DOCK11: variants seen among roughly 807,000 people sequenced by gnomAD.
The protein encoded by DOCK11 is dedicator of cytokinesis protein 11.
Under a neutral mutation model 169.1 loss-of-function variants are expected in DOCK11, and 70 were observed. That is an observed-to-expected ratio of 0.41 (90% CI 0.34 to 0.51). The LOEUF (loss-of-function observed/expected upper bound fraction) is 0.51, where lower values mean the gene tolerates loss of function less well. Ranked by LOEUF, DOCK11 falls within the 20% of genes least tolerant of loss-of-function variation. The pLI is 0.10. For missense variants in DOCK11, 1,166 were observed against 1,538.8 expected, an observed-to-expected ratio of 0.76 and a Z score of 4.05; for synonymous variants, 529 against 541.3, an observed-to-expected ratio of 0.98 and a Z score of 0.32.
intron 6 of DOCK11, among the ~76,000 whole-genome samples, chrX:118,548,690 C>T (rs754494270): frequency 9.0e-6 from 1 of 111,716 alleles, no homozygotes; most frequent in East Asian, 2.8e-4. Context: ...ATGGATTCTC[C>T]CATGCAGCAT....
Position 118,614,676 on chromosome X carries a change from G to A in DOCK11, c.3097-16G>A, listed in dbSNP as rs2147468060. The A allele has an allele frequency of 1.8e-6, 2 of 1,110,973 alleles. No homozygotes were observed. Among genetic ancestry groups the A allele is most frequent in the East Asian group, 6.1e-5 (2 of 32,971 alleles). The allele number at this position is 1,110,973 out of a possible 1,213,427, so 91.6% of individuals were successfully genotyped here. ...AATTATGTAATTAACCCTTAGTTTT[G>A]TTTTGGTTTCTATAGCGCTGTTTGA... is the stretch of plus-strand genomic sequence containing the variant. On this transcript the variant is annotated splice_polypyrimidine_tract_variant and intron_variant, in intron 28 of 52. Transcript: ENST00000276202.
intron 38 of DOCK11, 136 bp from the exon 39 acceptor site, chrX:118,641,054 G>A: frequency 2.1e-6 from 1 of 486,360 alleles, no homozygotes; most frequent in Non-Finnish European, 3.7e-6. Flanking sequence ...CTCCCAAAGT[G>A]CTGGGATTAC....
chrX:118,555,071 A>G (rs771973905), intron 6 of DOCK11, among the ~76,000 whole-genome samples: 1 of 111,961 alleles, frequency 8.9e-6, no homozygotes, highest in South Asian at 3.7e-4. Flanking sequence ...TTGAGCAGTG[A>G]CATGCTGTGC....
At chrX:118,685,042 T>G (rs897945236) in intron 52 of DOCK11, among the ~76,000 whole-genome samples, 3 of 111,800 alleles carry the variant, frequency 2.7e-5, no homozygotes, top group African/African-American at 9.7e-5. Context: ...TTTCTGTTGC[T>G]TTTTCTTTAG....
chrX:118,504,668 C>G (rs1340290199), intron 1 of DOCK11, among the ~76,000 whole-genome samples: 1 of 112,388 alleles, frequency 8.9e-6, no homozygotes, highest in East Asian at 2.8e-4. Context: ...GAATACGTTT[C>G]TCTTTGAGAT....
At chrX:118,600,590 A>G (rs2014307004) in intron 23 of DOCK11, among the ~76,000 whole-genome samples, 1 of 111,131 alleles carries the variant, frequency 9.0e-6, no homozygotes, top group Non-Finnish European at 1.9e-5. Context: ...GAGACAGACA[A>G]TAAACACATA....
chrX:118,550,699 C>T (rs1174938248), intron 6 of DOCK11, among the ~76,000 whole-genome samples: 1 of 111,016 alleles, frequency 9.0e-6, no homozygotes, highest in Non-Finnish European at 1.9e-5. Flanking sequence ...TGCTCTGTTA[C>T]AGGGTGGGGG....
chrX:118,555,535 C>T (rs367831256), intron 6 of DOCK11, among the ~76,000 whole-genome samples: 1 of 105,561 alleles, frequency 9.5e-6, no homozygotes, highest in Non-Finnish European at 1.9e-5. Flanking sequence ...CCACCCTGGG[C>T]GACAGAGTGA....
intron 28 of DOCK11, among the ~76,000 whole-genome samples, chrX:118,611,230 T>C (rs2014675503): frequency 8.9e-6 from 1 of 112,302 alleles, no homozygotes; most frequent in Non-Finnish European, 1.9e-5. Flanking sequence ...ACACTTGTTA[T>C]TGCCTCTTTT....
intron 6 of DOCK11, among the ~76,000 whole-genome samples, chrX:118,555,414 G>A (rs1033426937): frequency 1.4e-4 from 15 of 110,468 alleles, no homozygotes; most frequent in African/African-American, 4.3e-4. Context: ...AAGCTTAGCC[G>A]GGTATGGTGA....
At position 118,681,263 on chromosome X, in the gene DOCK11, C is replaced by T. The variant is rs1429021056; in HGVS notation, c.5862+15C>T. ...TTTCTGTGCAGGTACGTTGGTCATCCAACATGTATTGAATGTTTCTTGATG... is the reference window on the plus strand; with the variant it reads ...TTTCTGTGCAGGTACGTTGGTCATCTAACATGTATTGAATGTTTCTTGATG... On this transcript the variant is annotated intron_variant, in intron 50 of 52. Coordinates refer to ENST00000276202, the MANE Select transcript of DOCK11 (RefSeq NM_144658.4). 3 of 1,145,419 alleles carry T rather than the reference C, an allele frequency of 2.6e-6. No homozygotes were observed. The highest frequency in any genetic ancestry group is 3.5e-6 in the Non-Finnish European group (3 of 862,920). The allele number at this position is 1,145,419 out of a possible 1,213,427, so 94.4% of individuals were successfully genotyped here. A position where few individuals can be genotyped will look rare whatever the true frequency, so the allele number is the denominator to read the frequency against.
Position 118,513,847 on chromosome X carries a change from C to A in DOCK11, c.102+17774C>A, listed in dbSNP as rs1455371453. Among the ~76,000 whole-genome samples the A allele has an allele frequency of 5.4e-5, 6 of 111,729 alleles. No homozygotes were observed. In the Admixed American group the frequency reaches 5.7e-4, roughly 11 times the overall value. Reference sequence around the variant, plus strand: ...GGCAGAGGCCAGGCACACTTCAGAGCACCTGGAGTGGGCCTTATGGGGGAG... The same window carrying A: ...GGCAGAGGCCAGGCACACTTCAGAGAACCTGGAGTGGGCCTTATGGGGGAG... On this transcript the variant is annotated intron_variant, in intron 1 of 52. Coordinates refer to ENST00000276202, the MANE Select transcript of DOCK11 (RefSeq NM_144658.4).
chrX:118,669,633 C>G (rs952228866), intron 45 of DOCK11, among the ~76,000 whole-genome samples: 1 of 111,973 alleles, frequency 8.9e-6, no homozygotes. Flanking sequence ...ATACCATCCC[C>G]TTGGGGGTTA....
chrX:118,661,462 T>A (rs1169603940), intron 44 of DOCK11, among the ~76,000 whole-genome samples: 2 of 109,537 alleles, frequency 1.8e-5, no homozygotes, highest in Non-Finnish European at 3.8e-5. Flanking sequence ...GAGGTCTGAT[T>A]TTTTTTTTAA....
intron 48 of DOCK11, 148 bp from the exon 49 acceptor site, chrX:118,680,334 C>T (rs754993437): frequency 1.8e-5 from 5 of 281,623 alleles, no homozygotes; most frequent in African/African-American, 1.1e-4. Flanking sequence ...AGAATGAAGA[C>T]GCCCTTTATT....
intron 3 of DOCK11, 55 bp from the exon 4 acceptor site, chrX:118,543,455 TG>T: frequency 2.0e-6 from 2 of 983,205 alleles, no homozygotes; most frequent in Non-Finnish European, 2.9e-6. Flanking sequence ...TTTTAAAAAG[TG>T]GATATATATG....
chrX:118,500,157 T>A (rs1378570915), intron 1 of DOCK11, among the ~76,000 whole-genome samples: 1 of 109,129 alleles, frequency 9.2e-6, no homozygotes, highest in Non-Finnish European at 1.9e-5. Context: ...CACGTCATTC[T>A]CCCGCCTCAG....
intron 1 of DOCK11, among the ~76,000 whole-genome samples, chrX:118,516,178 C>T (rs1257238841): frequency 4.2e-5 from 4 of 94,844 alleles, no homozygotes; most frequent in Admixed American, 2.3e-4. Context: ...CTGCAAGCTC[C>T]GCCTCCCGGG....
intron 28 of DOCK11, 26 bp from the exon 29 acceptor site, chrX:118,614,666 C>T: frequency 9.7e-7 from 1 of 1,028,254 alleles, no homozygotes; most frequent in Non-Finnish European, 1.3e-6. Context: ...TGTAATTAAC[C>T]CTTAGTTTTG....
Sources: allele counts gnomAD v4.1 joint callset (sites outside exome capture counted in the v4.1 genomes callset), GRCh38; gene constraint gnomAD v4.1.1; transcripts MANE v1.5; gene names NCBI Gene and HGNC (gene_info 2026-07-23, HGNC 2026-07-21).